Variants in CCDC170 observed in about 807,000 individuals in gnomAD.
CCDC170 encodes coiled-coil domain containing 170.
CCDC170 carries 69 observed loss-of-function variants against 72.6 expected under a neutral mutation model. The observed-to-expected ratio is 0.95, with a 90% confidence interval of 0.78 to 1.16. CCDC170 has a LOEUF of 1.16. Ranked by LOEUF, CCDC170 falls within the 50% of genes most tolerant of loss-of-function variation. The pLI is 0.00. For missense variants in CCDC170, 852 were observed against 832.5 expected (o/e 1.02, Z -0.29); for synonymous variants, 300 against 303.9 (o/e 0.99, Z 0.13).
At chr6:151,602,662 C>G (rs1776726221) in intron 9 of CCDC170, among the ~76,000 whole-genome samples, 1 of 152,172 alleles carries the variant, frequency 6.6e-6, no homozygotes. Context: ...TGCTCTCACT[C>G]TTGCCTGCCA....
chr6:151,615,730 T>C (rs1776955922), intron 10 of CCDC170, 51 bp downstream of exon 10: 1 of 1,296,038 alleles, frequency 7.7e-7, no homozygotes, highest in Admixed American at 1.9e-5. Flanking sequence ...ACAGGACAAT[T>C]CAAGAGCTTG....
At chr6:151,576,259 C>G (rs536834212) in intron 6 of CCDC170, among the ~76,000 whole-genome samples, 82 of 152,152 alleles carry the variant, frequency 5.4e-4, no homozygotes, top group Non-Finnish European at 4.0e-4. Context: ...GTTCTGAGCA[C>G]TTTTAAGGTA....
chr6:151,530,811 A>T (rs1782481510), intron 1 of CCDC170, among the ~76,000 whole-genome samples: 1 of 152,148 alleles, frequency 6.6e-6, no homozygotes, highest in Admixed American at 6.6e-5. Flanking sequence ...TTTATATTTA[A>T]TTGATGATGA....
intron 10 of CCDC170, 75 bp downstream of exon 10, chr6:151,615,754 T>C (rs1776956478): frequency 9.6e-7 from 1 of 1,045,284 alleles, no homozygotes; most frequent in Non-Finnish European, 1.4e-6. Flanking sequence ...TTAATACTTA[T>C]TCATGCATTT....
chr6:151,598,353 G>A (rs1287726490), intron 9 of CCDC170, among the ~76,000 whole-genome samples: 1 of 152,172 alleles, frequency 6.6e-6, no homozygotes, highest in African/African-American at 2.4e-5. Context: ...GGAGCCTGGA[G>A]TTCCATTTTC....
chr6:151,584,118 G>T (rs1776417483), intron 6 of CCDC170, among the ~76,000 whole-genome samples: 1 of 152,198 alleles, frequency 6.6e-6, no homozygotes, highest in Admixed American at 6.5e-5. Context: ...CTTGCTCAAT[G>T]CAGGGTTACC....
chr6:151,587,193 G>T (rs191185037), intron 7 of CCDC170, among the ~76,000 whole-genome samples: 87 of 152,258 alleles, frequency 5.7e-4, no homozygotes, highest in African/African-American at 2.0e-3. Context: ...AGGAGAGTTA[G>T]ACGGGAAGAG....
At chr6:151,550,744 G>A (rs936417341) in intron 5 of CCDC170, among the ~76,000 whole-genome samples, 1 of 152,314 alleles carries the variant, frequency 6.6e-6, no homozygotes, top group East Asian at 1.9e-4. Flanking sequence ...CATCCTGCAT[G>A]TAGATGGCTG....
intron 5 of CCDC170, among the ~76,000 whole-genome samples, chr6:151,549,087 A>G (rs987069956): frequency 1.3e-5 from 2 of 151,876 alleles, no homozygotes; most frequent in African/African-American, 2.4e-5. Context: ...TTGTATTTTT[A>G]GTAGAGATGG....
At chr6:151,513,928 A>G (rs1248757073) in intron 1 of CCDC170, among the ~76,000 whole-genome samples, 3 of 149,920 alleles carry the variant, frequency 2.0e-5, no homozygotes, top group Non-Finnish European at 3.0e-5. Flanking sequence ...TCAAAAAAAA[A>G]AAAAAAAAAA....
chr6:151,506,943 C>T (rs1161653940), intron 1 of CCDC170, among the ~76,000 whole-genome samples: 1 of 152,200 alleles, frequency 6.6e-6, no homozygotes, highest in African/African-American at 2.4e-5. Context: ...GCCTGTCCTG[C>T]AGATTTCCGA....
At chr6:151,519,552 A>G (rs80153379) in intron 1 of CCDC170, among the ~76,000 whole-genome samples, 1,860 of 152,334 alleles carry the variant, frequency 0.012, 33 homozygotes, top group African/African-American at 0.04. Flanking sequence ...GAGGATTGAG[A>G]GATTAAAGTA....
At chr6:151,612,357 A>G (rs1251058653) in intron 9 of CCDC170, among the ~76,000 whole-genome samples, 3 of 152,230 alleles carry the variant, frequency 2.0e-5, no homozygotes, top group African/African-American at 7.2e-5. Flanking sequence ...TAGTCATCTC[A>G]AAGCCCTTCA....
At chr6:151,518,460 G>T (rs1782268204) in intron 1 of CCDC170, among the ~76,000 whole-genome samples, 1 of 152,164 alleles carries the variant, frequency 6.6e-6, no homozygotes, top group South Asian at 2.1e-4. Context: ...CCAAGAGAGG[G>T]TTCTTGGATC....
rs1562266338 is a variant in CCDC170 at position 151,509,240 on chromosome 6, ATCTATC to A, written c.57+15057_57+15062del. Among the ~76,000 whole-genome samples, 50 of 151,292 alleles carry A rather than the reference ATCTATC, an allele frequency of 3.3e-4. 1 individual carries two copies. The highest frequency in any genetic ancestry group is 1.2e-3 in the African/African-American group (48 of 41,150). Reference sequence around the variant, plus strand: ...TATCTATGTATCTATCTATCTATCTATCTATCTATCTATCTATCTATGAATGATAAT... The same window carrying A: ...TATCTATGTATCTATCTATCTATCTATATCTATCTATCTATGAATGATAAT... On this transcript the variant is annotated intron_variant, in intron 1 of 10. Transcript: ENST00000239374.
chr6:151,600,127 T>C (rs1776682441), intron 9 of CCDC170, among the ~76,000 whole-genome samples: 1 of 152,234 alleles, frequency 6.6e-6, no homozygotes, highest in East Asian at 1.9e-4. Flanking sequence ...GTCAACTTCA[T>C]GCATTTATGA....
intron 1 of CCDC170, among the ~76,000 whole-genome samples, chr6:151,506,039 TGCAGTGAG>T (rs1380386463): frequency 1.9e-4 from 29 of 152,284 alleles, no homozygotes; most frequent in Non-Finnish European, 1.5e-4. Context: ...AGTTCAAGGC[TGCAGTGAG>T]CTATGATTTG....
intron 3 of CCDC170, among the ~76,000 whole-genome samples, chr6:151,539,948 ATATC>A (rs1403650070): frequency 6.6e-6 from 1 of 152,096 alleles, no homozygotes; most frequent in Non-Finnish European, 1.5e-5. Flanking sequence ...AAATCCCATC[ATATC>A]TATCTTCAAA....
At chr6:151,586,537 C>T (rs980233210) in intron 7 of CCDC170, among the ~76,000 whole-genome samples, 2 of 151,980 alleles carry the variant, frequency 1.3e-5, no homozygotes, top group Admixed American at 1.3e-4. Context: ...ATAGTGGAGA[C>T]AGGAGACAGA....
Sources: gnomAD v4.1 joint callset for allele counts (sites outside exome capture counted in the v4.1 genomes callset) on GRCh38, gnomAD v4.1.1 for gene constraint, MANE v1.5 for transcripts, NCBI Gene and HGNC (gene_info 2026-07-23, HGNC 2026-07-21) for gene names.